The following PRELID2 variants were observed in gnomAD, a reference collection of about 807,000 sequenced individuals.
PRELID2 encodes PRELI domain-containing protein 2.
In PRELID2, 25 loss-of-function variants were observed where a neutral mutation model predicts 28.4. The ratio of observed to expected loss-of-function variants is 0.88; its 90% confidence interval spans 0.64 to 1.23. The LOEUF is 1.23. Among genes scored for constraint, PRELID2 ranks in the 50% most tolerant of loss-of-function variants. The pLI, the probability that PRELID2 is intolerant of heterozygous loss-of-function variation, is 0.00. For synonymous variants in PRELID2, 76 were observed against 71.6 expected (o/e 1.06, Z -0.31); for missense variants, 201 against 214.4 (o/e 0.94, Z 0.39).
intron 1 of PRELID2, among the ~76,000 whole-genome samples, chr5:145,740,306 ATATATATATATAT>A (rs1756630091): frequency 9.8e-6 from 1 of 102,300 alleles, no homozygotes; most frequent in South Asian, 2.8e-4. Context: ...ATATATATAT[ATATATATATATAT>A]AAATCCTAAA....
At chr5:145,521,992 T>C (rs1299386278) in intron 1 of PRELID2, among the ~76,000 whole-genome samples, 1 of 152,188 alleles carries the variant, frequency 6.6e-6, no homozygotes, top group African/African-American at 2.4e-5. Context: ...GAAAGAAAAT[T>C]GCCGTGCTGC....
intron 1 of PRELID2, among the ~76,000 whole-genome samples, chr5:145,515,454 A>T (rs1752507066): frequency 6.6e-6 from 1 of 152,214 alleles, no homozygotes; most frequent in African/African-American, 2.4e-5. Context: ...AAAAAGTCAA[A>T]TCCCTGAATA....
chr5:145,553,201 A>G lies in PRELID2; in HGVS notation n.71-79886T>C, dbSNP rs1464405988. ...TAGAGGACCCCCCCCCCCAAAAAAA[A>G]AGGGAGCTGTTAATTGCAAGAAGTC... On this transcript the variant is annotated intron_variant and non_coding_transcript_variant, in intron 1 of 2. Transcript: ENST00000510259. 5.0e-5 allele frequency among the ~76,000 whole-genome samples: 7 copies of G among 141,398 alleles called. 2 individuals are homozygous for G. Among genetic ancestry groups the G allele is most frequent in the African/African-American group, 1.8e-4 (7 of 39,772 alleles). 92.8% of individuals were successfully genotyped at this position (141,398 alleles called of 152,430 possible). A position where few individuals can be genotyped will look rare whatever the true frequency, so the allele number is the denominator to read the frequency against.
intron 1 of PRELID2, among the ~76,000 whole-genome samples, chr5:145,542,523 A>T (rs1257843247): frequency 2.0e-5 from 3 of 152,220 alleles, no homozygotes; most frequent in South Asian, 4.1e-4. Flanking sequence ...TGGGAGAAAA[A>T]AATAGTTCTT....
chr5:145,593,458 C>T (rs1199141463), intron 1 of PRELID2, among the ~76,000 whole-genome samples: 2 of 152,086 alleles, frequency 1.3e-5, no homozygotes, highest in Non-Finnish European at 2.9e-5. Context: ...GCAAAAATTG[C>T]GGCAACTGGA....
chr5:145,325,622 T>C, the PRELID2 span, among the ~76,000 whole-genome samples: 3 of 152,152 alleles, frequency 2.0e-5, no homozygotes, highest in Non-Finnish European at 2.9e-5. Flanking sequence ...AAAGTTAAAG[T>C]TAAAAGACAT....
the PRELID2 span, among the ~76,000 whole-genome samples, chr5:145,280,179 G>T: frequency 3.3e-5 from 5 of 152,092 alleles, no homozygotes; most frequent in South Asian, 2.1e-4. Context: ...TTTGAAACAT[G>T]CCGGCCCCCT....
intron 1 of PRELID2, among the ~76,000 whole-genome samples, chr5:145,660,180 G>A (rs146516375): frequency 2.0e-5 from 3 of 152,268 alleles, no homozygotes; most frequent in African/African-American, 7.2e-5. Flanking sequence ...GGAATCACAG[G>A]TTTCTCTGGA....
chr5:145,277,763 G>T, the PRELID2 span, among the ~76,000 whole-genome samples: 1 of 152,108 alleles, frequency 6.6e-6, no homozygotes, highest in African/African-American at 2.4e-5. Context: ...CCAAAAACTG[G>T]CAACAGAGGA....
intron 1 of PRELID2, among the ~76,000 whole-genome samples, chr5:145,618,205 T>C (rs1753727640): frequency 6.6e-6 from 1 of 152,196 alleles, no homozygotes; most frequent in Non-Finnish European, 1.5e-5. Context: ...TCTTCTTGTT[T>C]GGATCCACTG....
intron 1 of PRELID2, among the ~76,000 whole-genome samples, chr5:145,528,139 A>C (rs561051159): frequency 3.6e-4 from 55 of 152,272 alleles, no homozygotes; most frequent in African/African-American, 1.2e-3. Context: ...CTCATTGTTA[A>C]GGTCAAATGT....
At chr5:145,425,743 T>G in the PRELID2 span, among the ~76,000 whole-genome samples, 51 of 152,070 alleles carry the variant, frequency 3.4e-4, no homozygotes, top group Middle Eastern at 6.3e-3. Context: ...CAATACACAC[T>G]GGGGCCTGTT....
chr5:145,823,249 C>A lies in PRELID2; in HGVS notation c.76-115G>T, dbSNP rs10077064. ...AAATATTTTCCAAGAAACTTCTAAA[C>A]AAAGCCCAGTTTTGAATCATGGATC... On this transcript the variant is annotated intron_variant, in intron 1 of 6. Coordinates refer to ENST00000683046, the MANE Select transcript of PRELID2 (RefSeq NM_205846.3). The A allele has an allele frequency of 0.015, 8,539 of 576,616 alleles. 435 individuals carry two copies. Among genetic ancestry groups the A allele is most frequent in the African/African-American group, 0.12 (6,457 of 53,324 alleles). 35.7% of individuals were successfully genotyped at this position (576,616 alleles called of 1,614,324 possible).
chr5:145,600,434 A>AAAATATATATATATAT (rs1315631607), intron 1 of PRELID2, among the ~76,000 whole-genome samples: 3 of 120,116 alleles, frequency 2.5e-5, no homozygotes, highest in African/African-American at 1.2e-4. Context: ...AAAAAAAAAA[A>AAAATATATATATATAT]ATATATATAT....
chr5:145,334,050 C>A, the PRELID2 span, among the ~76,000 whole-genome samples: 1 of 152,092 alleles, frequency 6.6e-6, no homozygotes, highest in Non-Finnish European at 1.5e-5. Context: ...CCTTGTCCTT[C>A]CTGGGTGAAC....
chr5:145,568,090 G>T (rs1752983347), intron 1 of PRELID2, among the ~76,000 whole-genome samples: 1 of 152,182 alleles, frequency 6.6e-6, no homozygotes, highest in African/African-American at 2.4e-5. Flanking sequence ...GAATGCTCCT[G>T]CTGGCAGAGT....
chr5:145,261,323 T>C, the PRELID2 span, among the ~76,000 whole-genome samples: 1 of 152,182 alleles, frequency 6.6e-6, no homozygotes, highest in Non-Finnish European at 1.5e-5. Context: ...CCTATGTTAC[T>C]ACAGCTAATC....
At chr5:145,704,287 A>G (rs1192421576) in intron 1 of PRELID2, 1 of 152,230 alleles carries the variant, frequency 6.6e-6, no homozygotes, top group Non-Finnish European at 1.5e-5. Context: ...TCCAGCTTCC[A>G]GCTGCAACCT....
the PRELID2 span, among the ~76,000 whole-genome samples, chr5:145,233,170 A>C: frequency 2.6e-5 from 4 of 152,132 alleles, no homozygotes; most frequent in African/African-American, 9.7e-5. Flanking sequence ...TTTACCCATG[A>C]TCATACTGCT....
Sources: gnomAD v4.1 joint callset for allele counts (sites outside exome capture counted in the v4.1 genomes callset) on GRCh38, gnomAD v4.1.1 for gene constraint, MANE v1.5 for transcripts, NCBI Gene and HGNC (gene_info 2026-07-23, HGNC 2026-07-21) for gene names.